BMPR1A: variants seen among roughly 807,000 people sequenced by gnomAD.
BMPR1A encodes bone morphogenetic protein receptor type-1A.
In BMPR1A, 7 loss-of-function variants were observed where a neutral mutation model predicts 66.0. That is an observed-to-expected ratio of 0.11 (90% confidence interval 0.06 to 0.20). BMPR1A has a LOEUF of 0.20. Among genes scored for constraint, BMPR1A ranks in the 10% least tolerant of loss-of-function variants. The pLI is 1.00. For synonymous variants in BMPR1A, 200 were observed against 229.7 expected, an observed-to-expected ratio of 0.87 and a Z score of 1.17; for missense variants, 408 against 669.1, an observed-to-expected ratio of 0.61 and a Z score of 4.31.
chr10:86,919,902 C>T (rs1221777419), intron 10 of BMPR1A, among the ~76,000 whole-genome samples: 1 of 152,008 alleles, frequency 6.6e-6, no homozygotes, highest in East Asian at 1.9e-4. Context: ...GAGATGGGGT[C>T]TCACTGTGTT....
chr10:86,875,396 T>G (rs541124193), intron 2 of BMPR1A, among the ~76,000 whole-genome samples: 1 of 152,186 alleles, frequency 6.6e-6, no homozygotes, highest in African/African-American at 2.4e-5. Flanking sequence ...TAAAATGAAT[T>G]AATATGTGTA....
rs920515576 is a variant in BMPR1A, at chr10:86,925,088, T to C, written c.*1369T>C. On this transcript the variant is annotated 3_prime_UTR_variant, in exon 13 of 13. Coordinates refer to ENST00000372037, the MANE Select transcript of BMPR1A (RefSeq NM_004329.3). ...TTTTTGATTTCTATTCCCTAACTTGTGAAGACAATGAAAAATCAGGCAGAA... is the reference window on the plus strand; with the variant it reads ...TTTTTGATTTCTATTCCCTAACTTGCGAAGACAATGAAAAATCAGGCAGAA... The C allele has an allele frequency of 8.6e-6, 2 of 232,042 alleles. No individual in the cohort carries two copies. Among genetic ancestry groups the C allele is most frequent in the African/African-American group, 4.4e-5 (2 of 45,322 alleles). The allele number at this position is 232,042 out of a possible 1,614,324, so 14.4% of individuals were successfully genotyped here.
At chr10:86,914,547 T>G (rs1843535931) in intron 8 of BMPR1A, among the ~76,000 whole-genome samples, 1 of 152,112 alleles carries the variant, frequency 6.6e-6, no homozygotes, top group South Asian at 2.1e-4. Context: ...CCCAATTTTT[T>G]TAAAAAATGG....
At chr10:86,931,213 G>C (rs11598821), downstream of BMPR1A, 31,873 of 140,298 alleles carry the variant, frequency 0.23, 3,902 homozygotes, top group African/African-American at 0.26. Context: ...TGCATTCCAG[G>C]CTGGGCAACA....
intron 1 of BMPR1A, among the ~76,000 whole-genome samples, chr10:86,789,438 C>T (rs779793193): frequency 7.9e-5 from 12 of 152,114 alleles, no homozygotes; most frequent in Non-Finnish European, 1.5e-4. Context: ...ACTGGCTGGG[C>T]GCCGTGGCTC....
chr10:86,778,938 T>A, intron 1 of BMPR1A, among the ~76,000 whole-genome samples: 1 of 150,718 alleles, frequency 6.6e-6, no homozygotes. Flanking sequence ...TTTTTTTTTT[T>A]TTTTTTTTAA....
intron 1 of BMPR1A, among the ~76,000 whole-genome samples, chr10:86,761,802 C>G (rs1166642168): frequency 1.3e-5 from 2 of 152,132 alleles, no homozygotes; most frequent in African/African-American, 4.8e-5. Flanking sequence ...GGATTTCTAG[C>G]TTGGAAAGCA....
chr10:86,825,705 G>A (rs541240049), intron 1 of BMPR1A, among the ~76,000 whole-genome samples: 1 of 152,166 alleles, frequency 6.6e-6, no homozygotes, highest in African/African-American at 2.4e-5. Flanking sequence ...TTGAACTCAC[G>A]GGCTGAAGTG....
intron 1 of BMPR1A, among the ~76,000 whole-genome samples, chr10:86,801,745 G>C (rs1400962537): frequency 2.0e-5 from 3 of 151,082 alleles, no homozygotes; most frequent in Non-Finnish European, 3.0e-5. Flanking sequence ...ACGGAGTCTT[G>C]CTCTGTCTCC....
intron 9 of BMPR1A, among the ~76,000 whole-genome samples, chr10:86,918,553 A>G (rs182346522): frequency 6.6e-6 from 1 of 152,142 alleles, no homozygotes; most frequent in Non-Finnish European, 1.5e-5. Flanking sequence ...CTACTAGAGA[A>G]TCATGTAGGT....
intron 1 of BMPR1A, among the ~76,000 whole-genome samples, chr10:86,795,138 A>G (rs1841688067): frequency 6.6e-6 from 1 of 151,658 alleles, no homozygotes; most frequent in Non-Finnish European, 1.5e-5. Context: ...GGGGTGAGCC[A>G]CCACTCCTGG....
At chr10:86,868,739 T>G (rs1275124785) in intron 2 of BMPR1A, among the ~76,000 whole-genome samples, 2 of 151,788 alleles carry the variant, frequency 1.3e-5, no homozygotes, top group Non-Finnish European at 2.9e-5. Context: ...GACTTTACTC[T>G]GTAGTCTGTT....
chr10:86,920,250 T>C (rs1182002385), intron 10 of BMPR1A, among the ~76,000 whole-genome samples: 1 of 152,204 alleles, frequency 6.6e-6, no homozygotes, highest in African/African-American at 2.4e-5. Flanking sequence ...AGGCAGTGAG[T>C]TTATACATAT....
At chr10:86,825,445 A>C (rs1415447354) in intron 1 of BMPR1A, among the ~76,000 whole-genome samples, 1 of 151,458 alleles carries the variant, frequency 6.6e-6, no homozygotes, top group Non-Finnish European at 1.5e-5. Flanking sequence ...TTAAGCAAAA[A>C]ATTAATTTTT....
rs199865332 is a variant in BMPR1A, at chr10:86,779,286, G to T, written c.-268+22367G>T. Among the ~76,000 whole-genome samples the T allele has an allele frequency of 3.3e-5, 5 of 152,260 alleles. No individual in the cohort carries two copies. The East Asian group carries it at 9.6e-4, about 29-fold the overall frequency. ...GAATGCTGGATCATATGGTAATTCT[G>T]TTTGTAGTTATTTGAGGAAACTCTG... On this transcript the variant is annotated intron_variant, in intron 1 of 12. Coordinates refer to ENST00000372037, the MANE Select transcript of BMPR1A (RefSeq NM_004329.3).
At chr10:86,875,701 T>A (rs1158547446) in intron 2 of BMPR1A, among the ~76,000 whole-genome samples, 166 bp from the exon 3 acceptor site, 1 of 151,946 alleles carries the variant, frequency 6.6e-6, no homozygotes, top group East Asian at 1.9e-4. Flanking sequence ...TTATTTGAAG[T>A]TTGAAATTAT....
intron 2 of BMPR1A, among the ~76,000 whole-genome samples, chr10:86,864,758 A>G (rs71473281): frequency 1.3e-5 from 2 of 152,064 alleles, no homozygotes; most frequent in African/African-American, 4.8e-5. Flanking sequence ...TACTTCTTTT[A>G]TTGGGACCTT....
At chr10:86,798,564 G>A (rs1257451499) in intron 1 of BMPR1A, among the ~76,000 whole-genome samples, 1 of 152,062 alleles carries the variant, frequency 6.6e-6, no homozygotes, top group Non-Finnish European at 1.5e-5. Context: ...GCTTAAACAT[G>A]GAATCTCTAG....
chr10:86,895,845 C>T lies in BMPR1A; in HGVS notation c.333+3616C>T, dbSNP rs529813530. ...AAGTTTGAGACCAGCCTGGGCAACA[C>T]GGCAGAACCCCATCTCTACAAAAAT... On this transcript the variant is annotated intron_variant, in intron 5 of 12. Coordinates refer to ENST00000372037, the MANE Select transcript of BMPR1A (RefSeq NM_004329.3). Among the ~76,000 whole-genome samples the T allele has an allele frequency of 1.7e-3, 264 of 152,120 alleles. 1 individual carries two copies. The highest frequency in any genetic ancestry group is 5.9e-3 in the African/African-American group (246 of 41,516).
Sources: gnomAD v4.1 joint callset for allele counts (sites outside exome capture counted in the v4.1 genomes callset) on GRCh38, gnomAD v4.1.1 for gene constraint, MANE v1.5 for transcripts, NCBI Gene and HGNC (gene_info 2026-07-23, HGNC 2026-07-21) for gene names.